The following PLCB4 variants were observed in gnomAD, a reference collection of about 807,000 sequenced individuals.
PLCB4 encodes phospholipase C beta 4.
Under a neutral mutation model 178.8 loss-of-function variants are expected in PLCB4, and 77 were observed. The observed-to-expected ratio is 0.43, with a 90% confidence interval of 0.36 to 0.52. PLCB4 has a LOEUF of 0.52. PLCB4 is among the 20% of genes least tolerant of loss of function. The probability of loss-of-function intolerance (pLI) is 0.00; values close to 1 mark genes in which losing one functional copy is unlikely to be tolerated. For synonymous variants in PLCB4, 496 were observed against 490.8 expected (o/e 1.01, Z -0.14); for missense variants, 1,024 against 1,453.4 (o/e 0.70, Z 4.80).
chr20:9,261,922 T>C (rs1400195744), intron 3 of PLCB4, among the ~76,000 whole-genome samples: 1 of 152,220 alleles, frequency 6.6e-6, no homozygotes, highest in Non-Finnish European at 1.5e-5. Context: ...TATTCTGTCC[T>C]TGTCTCAAGG....
rs1273143950 is a variant in PLCB4 at position 9,197,996 on chromosome 20, TA to T, written c.-78-19383del. Among the ~76,000 whole-genome samples, 114 of 143,912 alleles carry T rather than the reference TA, an allele frequency of 7.9e-4. 1 individual carries two copies. The highest frequency in any genetic ancestry group is 3.6e-3 in the Middle Eastern group (1 of 280). The allele number at this position is 143,912 out of a possible 152,430, so 94.4% of individuals were successfully genotyped here. A position where few individuals can be genotyped will look rare whatever the true frequency, so the allele number is the denominator to read the frequency against. The stretch of plus-strand genomic sequence containing the variant: ...ATCTCAAAAATAAAAAAATAAAAAA[TA>T]AAAAAAAAAACAAAATCTTATGCTG... On this transcript the variant is annotated intron_variant, in intron 2 of 39. Transcript: ENST00000378473.
chr20:9,112,672 A>G (rs73609425), intron 2 of PLCB4, among the ~76,000 whole-genome samples: 3,345 of 152,274 alleles, frequency 0.022, 112 homozygotes, highest in African/African-American at 0.074. Flanking sequence ...TTTTATAAAC[A>G]GCTTATCTGG....
intron 36 of PLCB4, 52 bp from the exon 37 acceptor site, chr20:9,472,738 A>G: frequency 1.0e-6 from 1 of 1,001,630 alleles, no homozygotes; most frequent in Non-Finnish European, 1.5e-6. Flanking sequence ...TTGATATAAT[A>G]TTAATTTCAT....
chr20:9,277,507 A>G (rs984478008), intron 3 of PLCB4, among the ~76,000 whole-genome samples: 2 of 152,028 alleles, frequency 1.3e-5, no homozygotes, highest in African/African-American at 4.8e-5. Context: ...GTATCAAGCC[A>G]TCTGACCTCC....
At chr20:9,368,996 T>G (rs1233849451) in intron 9 of PLCB4, among the ~76,000 whole-genome samples, 1 of 152,156 alleles carries the variant, frequency 6.6e-6, no homozygotes, top group Non-Finnish European at 1.5e-5. Context: ...TGCTCTATGT[T>G]CCCATGAAAC....
intron 1 of PLCB4, among the ~76,000 whole-genome samples, chr20:9,072,909 C>G (rs724089): frequency 0.62 from 94,843 of 151,962 alleles, 29,708 homozygotes; most frequent in South Asian, 0.72. Context: ...GACATAAATC[C>G]AAGGTTTTTC....
At chr20:9,436,559 G>T (rs2041784561) in intron 29 of PLCB4, among the ~76,000 whole-genome samples, 1 of 152,068 alleles carries the variant, frequency 6.6e-6, no homozygotes, top group South Asian at 2.1e-4. Context: ...TCACTCTGTT[G>T]CCTAGGTTGG....
chr20:9,229,775 G>C (rs2093911951), intron 3 of PLCB4, among the ~76,000 whole-genome samples: 1 of 151,982 alleles, frequency 6.6e-6, no homozygotes, highest in South Asian at 2.1e-4. Flanking sequence ...TGCCATGGTG[G>C]TTTGCTGCAC....
In PLCB4 at chr20:9,129,687, C is replaced by T. The variant is rs1004122341; in HGVS notation, c.-79+33345C>T. Among the ~76,000 whole-genome samples, 7 of 152,160 alleles carry T rather than the reference C, an allele frequency of 4.6e-5. No individual in the cohort carries two copies. In the East Asian group the frequency reaches 1.3e-3, roughly 29 times the overall value. ...AGTTGGGGGTACATCTGCCTTCCCA[C>T]CCCATTCAAGTGATGTTCCGAATAA... On this transcript the variant is annotated intron_variant, in intron 2 of 39. Transcript: ENST00000378473.
intron 3 of PLCB4, among the ~76,000 whole-genome samples, chr20:9,272,867 G>A (rs2094417102): frequency 6.6e-6 from 1 of 150,668 alleles, no homozygotes; most frequent in Admixed American, 6.6e-5. Context: ...TACCTTGTGA[G>A]CTTCTGGTTA....
At chr20:9,347,472 T>C (rs776322133) in intron 7 of PLCB4, among the ~76,000 whole-genome samples, 3 of 152,204 alleles carry the variant, frequency 2.0e-5, no homozygotes, top group Non-Finnish European at 4.4e-5. Context: ...AATGCTAATA[T>C]TGACTTATTG....
intron 3 of PLCB4, chr20:9,280,489 G>C: frequency 1.0e-6 from 1 of 980,922 alleles, no homozygotes; most frequent in Non-Finnish European, 1.2e-6. Context: ...GGGTGTCTCT[G>C]TCCTAATTTC....
chr20:9,118,207 G>A lies in PLCB4; in HGVS notation c.-79+21865G>A, dbSNP rs1335524655. Among the ~76,000 whole-genome samples the A allele has an allele frequency of 4.2e-5, 6 of 142,848 alleles. No individual in the cohort carries two copies. In the East Asian group the frequency reaches 1.3e-3, roughly 31 times the overall value. 93.7% of individuals were successfully genotyped at this position (142,848 alleles called of 152,430 possible). On this transcript the variant is annotated intron_variant, in intron 2 of 39. Coordinates refer to ENST00000378473, the MANE Select transcript of PLCB4 (RefSeq NM_001377142.1). ...TCTAGCATTAGGTATATCTCCCAAT[G>A]CTATCCCTCCCCCCTCCCCCCACCC...
intron 2 of PLCB4, among the ~76,000 whole-genome samples, chr20:9,193,532 G>T (rs1025790722): frequency 1.3e-5 from 2 of 152,214 alleles, no homozygotes; most frequent in African/African-American, 2.4e-5. Flanking sequence ...TTAGAAAGCT[G>T]TATGTGAATA....
chr20:9,183,833 A>T (rs1186044655), intron 2 of PLCB4, among the ~76,000 whole-genome samples: 1 of 152,168 alleles, frequency 6.6e-6, no homozygotes, highest in East Asian at 1.9e-4. Context: ...GTTTTTGTTG[A>T]TCAAAATGAT....
chr20:9,116,708 C>T (rs993758929), intron 2 of PLCB4, among the ~76,000 whole-genome samples: 1 of 151,970 alleles, frequency 6.6e-6, no homozygotes, highest in Non-Finnish European at 1.5e-5. Context: ...TAAAAAACAG[C>T]TTGTCAAGTT....
rs572847551 is a variant in PLCB4 at position 9,422,523 on chromosome 20, A to G, written c.2319+1062A>G. Among the ~76,000 whole-genome samples, 39 of 152,236 alleles carry G rather than the reference A, an allele frequency of 2.6e-4. 1 individual carries two copies. Among genetic ancestry groups the G allele is most frequent in the African/African-American group, 8.9e-4 (37 of 41,526 alleles). The stretch of plus-strand genomic sequence containing the variant: ...ACCAGTATGGCTAGTGTTCTTTGGC[A>G]TAGTGAATAATCCCTACTCACATTT... On this transcript the variant is annotated intron_variant, in intron 27 of 39. Transcript: ENST00000378473.
At chr20:9,225,092 C>G (rs192211297) in intron 3 of PLCB4, among the ~76,000 whole-genome samples, 225 of 152,028 alleles carry the variant, frequency 1.5e-3, no homozygotes, top group Non-Finnish European at 1.4e-3. Flanking sequence ...ATGGATAGAC[C>G]GATGAATGAA....
intron 5 of PLCB4, 71 bp from the exon 6 acceptor site, chr20:9,337,937 C>G: frequency 8.3e-7 from 1 of 1,203,964 alleles, no homozygotes; most frequent in Non-Finnish European, 1.2e-6. Flanking sequence ...AAATTTTTGC[C>G]AAGCAGTTTG....
Sources: allele counts gnomAD v4.1 joint callset (sites outside exome capture counted in the v4.1 genomes callset), GRCh38; gene constraint gnomAD v4.1.1; transcripts MANE v1.5; gene names NCBI Gene and HGNC (gene_info 2026-07-23, HGNC 2026-07-21).